GRM7: variants seen among roughly 807,000 people sequenced by gnomAD.
GRM7 encodes the protein glutamate metabotropic receptor 7.
In GRM7, 35 loss-of-function variants were observed where a neutral mutation model predicts 84.5. That is an observed-to-expected ratio of 0.41 (90% CI 0.32 to 0.55). GRM7 has a LOEUF of 0.55. GRM7 is among the 20% of genes least tolerant of loss of function. GRM7 has a pLI of 0.19. For synonymous variants in GRM7, 487 were observed against 455.1 expected (o/e 1.07, Z -0.89); for missense variants, 1,003 against 1,194.6 (o/e 0.84, Z 2.36).
chr3:7,682,890 G>A (rs1358591414), intron 9 of GRM7, among the ~76,000 whole-genome samples: 1 of 152,188 alleles, frequency 6.6e-6, no homozygotes, highest in East Asian at 1.9e-4. Context: ...ACTCCTCACA[G>A]TAGATCTATA....
At chr3:7,688,556 G>T (rs1016041090) in intron 9 of GRM7, among the ~76,000 whole-genome samples, 10 of 152,070 alleles carry the variant, frequency 6.6e-5, no homozygotes, top group Non-Finnish European at 1.2e-4. Flanking sequence ...GATATAAGTT[G>T]GTTTAAGTTA....
At chr3:7,125,660 C>T (rs1221731125) in intron 1 of GRM7, among the ~76,000 whole-genome samples, 1 of 152,194 alleles carries the variant, frequency 6.6e-6, no homozygotes, top group East Asian at 1.9e-4. Flanking sequence ...TGTTGGGCTA[C>T]ATTCCATATT....
At chr3:7,645,440 G>T (rs539320992) in intron 8 of GRM7, among the ~76,000 whole-genome samples, 2 of 150,802 alleles carry the variant, frequency 1.3e-5, no homozygotes, top group African/African-American at 4.9e-5. Context: ...CCAGCTACTC[G>T]GGAGGCTAAG....
chr3:7,474,933 TA>T (rs1258149912), intron 7 of GRM7, among the ~76,000 whole-genome samples: 1 of 152,212 alleles, frequency 6.6e-6, no homozygotes, highest in Non-Finnish European at 1.5e-5. Context: ...TGTAAATTGT[TA>T]AATACAAAGT....
chr3:7,689,539 T>G (rs748817472), intron 9 of GRM7, among the ~76,000 whole-genome samples: 3 of 152,188 alleles, frequency 2.0e-5, no homozygotes, highest in Admixed American at 6.5e-5. Flanking sequence ...TGAGACACCA[T>G]CATTTCTCTC....
intron 9 of GRM7, 26 bp downstream of exon 9, chr3:7,680,321 C>T (rs377686245): frequency 3.7e-6 from 6 of 1,610,826 alleles, no homozygotes; most frequent in African/African-American, 1.3e-5. Flanking sequence ...TTTCTTTCAT[C>T]TTCCCACCCT....
chr3:7,691,449 T>G, intron 9 of GRM7: 1 of 293,310 alleles, frequency 3.4e-6, no homozygotes, highest in Non-Finnish European at 6.7e-6. Flanking sequence ...TAGCATAAGC[T>G]TCATCACTTA....
chr3:7,633,542 G>T (rs1224327295), intron 8 of GRM7, among the ~76,000 whole-genome samples: 3 of 152,070 alleles, frequency 2.0e-5, no homozygotes, highest in Admixed American at 2.0e-4. Flanking sequence ...GGTGTGTGTG[G>T]ACAAGCAGGG....
chr3:6,985,858 A>C (rs1305445797), intron 1 of GRM7, among the ~76,000 whole-genome samples: 1 of 152,220 alleles, frequency 6.6e-6, no homozygotes, highest in Non-Finnish European at 1.5e-5. Context: ...TGTCTAAAAT[A>C]ATGTACAAAA....
intron 7 of GRM7, among the ~76,000 whole-genome samples, chr3:7,542,782 G>A (rs1314424005): frequency 2.0e-5 from 3 of 152,064 alleles, no homozygotes; most frequent in Non-Finnish European, 2.9e-5. Flanking sequence ...TTCTGACCTC[G>A]TGATCTGCCT....
intron 2 of GRM7, among the ~76,000 whole-genome samples, chr3:7,287,653 C>A (rs1421208345): frequency 6.6e-6 from 1 of 151,968 alleles, no homozygotes; most frequent in Non-Finnish European, 1.5e-5. Flanking sequence ...TTTTTTTAAG[C>A]CACTAAAAGC....
intron 4 of GRM7, among the ~76,000 whole-genome samples, chr3:7,357,062 T>C (rs182198918): frequency 1.4e-4 from 21 of 150,318 alleles, no homozygotes; most frequent in African/African-American, 4.9e-4. Flanking sequence ...TTCATATATA[T>C]AATATTGTTT....
intron 7 of GRM7, among the ~76,000 whole-genome samples, chr3:7,541,829 C>T (rs568489257): frequency 1.7e-4 from 26 of 152,278 alleles, no homozygotes; most frequent in African/African-American, 6.3e-4. Context: ...ATTGGAGGGG[C>T]TTAAAGCATA....
chr3:7,639,518 T>C (rs1698265960), intron 8 of GRM7, among the ~76,000 whole-genome samples: 1 of 152,174 alleles, frequency 6.6e-6, no homozygotes, highest in Admixed American at 6.6e-5. Context: ...TTTCTTCCCA[T>C]AGATCTCCTC....
chr3:7,131,728 C>T (rs908106405), intron 1 of GRM7, among the ~76,000 whole-genome samples: 2 of 152,132 alleles, frequency 1.3e-5, no homozygotes, highest in South Asian at 2.1e-4. Context: ...CCACCCGTCT[C>T]GGCCTCCCAA....
chr3:7,065,676 C>T (rs980843122), intron 1 of GRM7, among the ~76,000 whole-genome samples: 37 of 151,728 alleles, frequency 2.4e-4, no homozygotes, highest in Admixed American at 1.3e-4. Flanking sequence ...TATGTGGGCT[C>T]TTTTTTGGTT....
At chr3:7,632,082 G>T (rs1697882202) in intron 8 of GRM7, among the ~76,000 whole-genome samples, 1 of 152,216 alleles carries the variant, frequency 6.6e-6, no homozygotes. Flanking sequence ...GGAGGACAGA[G>T]TTTGATCCAC....
intron 1 of GRM7, among the ~76,000 whole-genome samples, chr3:6,873,503 G>T (rs1005129850): frequency 2.0e-5 from 3 of 152,106 alleles, no homozygotes; most frequent in African/African-American, 7.2e-5. Context: ...GATTATCAGG[G>T]TCTCACTATC....
intron 4 of GRM7, among the ~76,000 whole-genome samples, chr3:7,355,179 A>G (rs1693337442): frequency 6.6e-6 from 1 of 152,174 alleles, no homozygotes; most frequent in African/African-American, 2.4e-5. Flanking sequence ...GATATTTCCT[A>G]TAAAGTGAAG....
Sources: allele counts gnomAD v4.1 joint callset (sites outside exome capture counted in the v4.1 genomes callset), GRCh38; gene constraint gnomAD v4.1.1; transcripts MANE v1.5; gene names NCBI Gene and HGNC (gene_info 2026-07-23, HGNC 2026-07-21).